The following LIMCH1 variants were observed in gnomAD, a reference collection of about 807,000 sequenced individuals.
LIMCH1 encodes LIM and calponin homology domains 1, also known as LIM and calponin homology domains-containing protein 1.
Under a neutral mutation model 176.5 loss-of-function variants are expected in LIMCH1, and 113 were observed. The ratio of observed to expected loss-of-function variants is 0.64; its 90% confidence interval spans 0.55 to 0.75. The LOEUF is 0.75. LIMCH1 is among the 30% of genes least tolerant of loss of function. The probability of loss-of-function intolerance (pLI) is 0.00; values close to 1 mark genes in which losing one functional copy is unlikely to be tolerated. For missense variants in LIMCH1, 1,674 were observed against 1,814.9 expected (o/e 0.92, Z 1.41); for synonymous variants, 619 against 645.9 (o/e 0.96, Z 0.63).
intron 1 of LIMCH1, among the ~76,000 whole-genome samples, chr4:41,422,114 CAG>C (rs1311222927): frequency 1.3e-5 from 2 of 150,810 alleles, no homozygotes; most frequent in South Asian, 4.2e-4. Flanking sequence ...AAACAAACAA[CAG>C]AGAGTGAGAG....
intron 2 of LIMCH1, among the ~76,000 whole-genome samples, chr4:41,506,782 T>C (rs1329337541): frequency 6.6e-6 from 1 of 152,212 alleles, no homozygotes; most frequent in Non-Finnish European, 1.5e-5. Context: ...AACACTCTGG[T>C]CACAAAAATG....
At chr4:41,539,899 G>A (rs2078403313) in intron 1 of LIMCH1, among the ~76,000 whole-genome samples, 1 of 152,202 alleles carries the variant, frequency 6.6e-6, no homozygotes, top group African/African-American at 2.4e-5. Context: ...CATGGCTGTT[G>A]GGGGTATTCC....
chr4:41,476,433 A>T, intron 1 of LIMCH1, among the ~76,000 whole-genome samples: 1 of 152,226 alleles, frequency 6.6e-6, no homozygotes. Flanking sequence ...AGCCAAATAC[A>T]GAGCCTGAGC....
chr4:41,399,941 C>T lies in LIMCH1; in HGVS notation c.96+39005C>T, dbSNP rs189765485. 3.1e-3 allele frequency among the ~76,000 whole-genome samples: 473 copies of T among 150,402 alleles called. 6 individuals are homozygous for T. Among genetic ancestry groups the T allele is most frequent in the Non-Finnish European group, 1.3e-3 (87 of 67,758 alleles). On this transcript the variant is annotated intron_variant, in intron 1 of 26. Transcript: ENST00000313860. The stretch of plus-strand genomic sequence containing the variant: ...TCGTGATTCGCCCACCTCAGCCTCC[C>T]AAAGTGCTGGGATTACAGGCGTGAG...
chr4:41,401,512 C>A (rs911055833), intron 1 of LIMCH1, among the ~76,000 whole-genome samples: 1 of 152,034 alleles, frequency 6.6e-6, no homozygotes, highest in East Asian at 1.9e-4. Context: ...CTTGGTGATG[C>A]GGGCTCTTTT....
At chr4:41,680,896 T>C in intron 24 of LIMCH1, 59 bp from the exon 25 acceptor site, 1 of 953,324 alleles carries the variant, frequency 1.0e-6, no homozygotes, top group Non-Finnish European at 1.6e-6. Flanking sequence ...GACATTTTTG[T>C]CTTGACAAAT....
chr4:41,460,917 T>C (rs983481893), intron 1 of LIMCH1, among the ~76,000 whole-genome samples: 6 of 152,210 alleles, frequency 3.9e-5, no homozygotes, highest in African/African-American at 1.2e-4. Flanking sequence ...CATTGGCCCA[T>C]TGGAAATTGC....
chr4:41,427,841 A>T (rs1256056207), intron 1 of LIMCH1, among the ~76,000 whole-genome samples: 2 of 152,074 alleles, frequency 1.3e-5, no homozygotes, highest in Admixed American at 6.6e-5. Context: ...TTCCTGACGG[A>T]TTCAGCTAAA....
Position 41,638,976 on chromosome 4 carries a change from C to A in LIMCH1, c.2126+9C>A, listed in dbSNP as rs766449065. The A allele has an allele frequency of 6.3e-7, 1 of 1,575,108 alleles. No homozygotes were observed. The highest frequency in any genetic ancestry group is 2.3e-5 in the East Asian group (1 of 43,922). Reference sequence around the variant, plus strand: ...GTGTCTGATGACGCAGAGTAAGTTGCCTTGTATTTGTAGGATTACATTAAT... The same window carrying A: ...GTGTCTGATGACGCAGAGTAAGTTGACTTGTATTTGTAGGATTACATTAAT... On this transcript the variant is annotated intron_variant, in intron 14 of 31. Coordinates refer to ENST00000503057, the MANE Select transcript of LIMCH1 (RefSeq NM_001330672.2).
At chr4:41,692,516 T>C (rs1726902709) in intron 31 of LIMCH1, 132 bp downstream of exon 31, 2 of 606,120 alleles carry the variant, frequency 3.3e-6, no homozygotes, top group Non-Finnish European at 5.9e-6. Flanking sequence ...TCTTAACATC[T>C]AGGTTAAAAA....
chr4:41,619,608 A>G, intron 6 of LIMCH1, 168 bp downstream of exon 6: 1 of 873,544 alleles, frequency 1.1e-6, no homozygotes, highest in Non-Finnish European at 1.7e-6. Context: ...AGGAGAAAAT[A>G]GAAGCTTCGT....
chr4:41,468,684 T>A (rs1023533015), intron 1 of LIMCH1, among the ~76,000 whole-genome samples: 2 of 151,958 alleles, frequency 1.3e-5, no homozygotes, highest in Non-Finnish European at 2.9e-5. Flanking sequence ...GTAAGGCATG[T>A]AGTCCTGCAT....
chr4:41,631,354 G>C lies in LIMCH1; in HGVS notation c.1478G>C (p.Arg493Thr), dbSNP rs765678193. Reference protein sequence around the residue: ...KRLSIGKAGPREDEEEVICHG... With the variant: ...KRLSIGKAGPTEDEEEVICHG... Reference sequence around the variant, plus strand: ...CTTAGCATTGGCAAGGCTGGGCCTAGAGAGGATGAAGAAGAAGTCATCTGT... The same window carrying C: ...CTTAGCATTGGCAAGGCTGGGCCTACAGAGGATGAAGAAGAAGTCATCTGT... The change falls in exon 10 of 32, where the codon AGA becomes ACA. Residue 493 changes from arginine to threonine, a missense_variant. Arg to Thr is a moderately conservative substitution (Grantham distance 71). This residue lies in a region of LIMCH1 where 655 missense variants were observed against 692.2 expected (regional missense o/e 0.95). Coordinates refer to ENST00000503057, the MANE Select transcript of LIMCH1 (RefSeq NM_001330672.2). 1 of 1,536,212 alleles carries C rather than the reference G, an allele frequency of 6.5e-7. No homozygotes were observed. Among genetic ancestry groups the C allele is most frequent in the Non-Finnish European group, 8.7e-7 (1 of 1,146,940 alleles).
intron 31 of LIMCH1, among the ~76,000 whole-genome samples, chr4:41,694,553 T>C (rs1258760830): frequency 1.3e-5 from 2 of 152,198 alleles, no homozygotes; most frequent in Admixed American, 6.5e-5. Flanking sequence ...TTGGTAACTT[T>C]TCCAGATAAC....
intron 1 of LIMCH1, among the ~76,000 whole-genome samples, chr4:41,379,797 A>G (rs2055359672): frequency 6.6e-6 from 1 of 151,908 alleles, no homozygotes; most frequent in Non-Finnish European, 1.5e-5. Flanking sequence ...TTATTTATTT[A>G]TTTTTATTTT....
intron 1 of LIMCH1, among the ~76,000 whole-genome samples, chr4:41,470,432 C>T (rs1046362094): frequency 6.6e-6 from 1 of 152,164 alleles, no homozygotes; most frequent in Non-Finnish European, 1.5e-5. Context: ...TTCTCTCTTT[C>T]CTATGTGAGG....
chr4:41,571,333 GA>G (rs1244412959), intron 1 of LIMCH1, among the ~76,000 whole-genome samples: 2 of 152,148 alleles, frequency 1.3e-5, no homozygotes, highest in Non-Finnish European at 1.5e-5. Flanking sequence ...CAAGGAAGGA[GA>G]GACTTCTTTT....
intron 1 of LIMCH1, chr4:41,473,254 C>T (rs746614677): frequency 2.1e-6 from 2 of 930,384 alleles, no homozygotes; most frequent in Non-Finnish European, 1.3e-6. Flanking sequence ...TGACTTTGCT[C>T]AGGTTTGTCA....
intron 3 of LIMCH1, among the ~76,000 whole-genome samples, chr4:41,529,839 C>T (rs906369953): frequency 2.6e-5 from 4 of 152,084 alleles, no homozygotes; most frequent in South Asian, 2.1e-4. Context: ...CACTTCTTAG[C>T]CTGATGAACG....
Sources: allele counts gnomAD v4.1 joint callset (sites outside exome capture counted in the v4.1 genomes callset), GRCh38; gene constraint gnomAD v4.1.1; regional missense constraint gnomAD v4.1.1; transcripts MANE v1.5; gene names NCBI Gene and HGNC (gene_info 2026-07-23, HGNC 2026-07-21).